Variants in ADGRL3 observed in about 807,000 individuals in gnomAD.
The protein encoded by ADGRL3 is calcium-independent alpha-latrotoxin receptor 3.
Under a neutral mutation model 153.5 loss-of-function variants are expected in ADGRL3, and 62 were observed. The ratio of observed to expected loss-of-function variants is 0.40; its 90% confidence interval spans 0.33 to 0.50. The LOEUF (loss-of-function observed/expected upper bound fraction) is 0.50, where lower values mean the gene tolerates loss of function less well. Among genes scored for constraint, ADGRL3 ranks in the 20% least tolerant of loss-of-function variants. The pLI is 0.47. For synonymous variants in ADGRL3, 710 were observed against 672.5 expected, an observed-to-expected ratio of 1.06 and a Z score of -0.86; for missense variants, 1,641 against 1,859.4, an observed-to-expected ratio of 0.88 and a Z score of 2.16.
At chr4:61,236,230 G>A (rs1052740484) in intron 1 of ADGRL3, among the ~76,000 whole-genome samples, 9 of 151,806 alleles carry the variant, frequency 5.9e-5, no homozygotes, top group South Asian at 2.1e-4. Context: ...GGCTGGTCTC[G>A]AACTCCTGAC....
chr4:61,509,009 A>G (rs2098447560), intron 3 of ADGRL3, among the ~76,000 whole-genome samples: 1 of 151,802 alleles, frequency 6.6e-6, no homozygotes, highest in Non-Finnish European at 1.5e-5. Flanking sequence ...TGTGGAGGAA[A>G]CCACCCCCAT....
chr4:61,300,039 A>T (rs2150329710), intron 1 of ADGRL3, among the ~76,000 whole-genome samples: 1 of 152,240 alleles, frequency 6.6e-6, no homozygotes, highest in East Asian at 1.9e-4. Flanking sequence ...AATATACCCA[A>T]TTTACACTTG....
intron 8 of ADGRL3, among the ~76,000 whole-genome samples, chr4:61,758,528 C>T (rs1056315175): frequency 1.3e-5 from 2 of 152,048 alleles, no homozygotes; most frequent in African/African-American, 4.8e-5. Context: ...TTTCCATTTG[C>T]TTGGTAGATC....
At chr4:61,266,241 G>A (rs1044258114) in intron 1 of ADGRL3, among the ~76,000 whole-genome samples, 2 of 151,558 alleles carry the variant, frequency 1.3e-5, no homozygotes, top group Non-Finnish European at 3.0e-5. Flanking sequence ...TCTGACACTG[G>A]CCTTGGTTCT....
In ADGRL3 at chr4:61,923,650, G is replaced by C. The variant is rs531091871; in HGVS notation, c.2112+10893G>C. 6.6e-5 allele frequency among the ~76,000 whole-genome samples: 10 copies of C among 152,164 alleles called. No homozygotes were observed. The South Asian group carries it at 2.1e-3, about 32-fold the overall frequency. ...CTCCTTTCTCCTTCTCTTCATTCCAGTAACTTTGACATATGAAGTCAACAC... is the reference window on the plus strand; with the variant it reads ...CTCCTTTCTCCTTCTCTTCATTCCACTAACTTTGACATATGAAGTCAACAC... On this transcript the variant is annotated intron_variant, in intron 13 of 26. Coordinates refer to ENST00000683033, the MANE Select transcript of ADGRL3 (RefSeq NM_001387552.1).
At chr4:61,527,025 A>C (rs924294051) in intron 4 of ADGRL3, among the ~76,000 whole-genome samples, 1 of 152,250 alleles carries the variant, frequency 6.6e-6, no homozygotes, top group African/African-American at 2.4e-5. Flanking sequence ...AATATGAAAA[A>C]GTAAGTTAAC....
chr4:61,421,896 A>G (rs1326475433), intron 2 of ADGRL3, among the ~76,000 whole-genome samples: 1 of 152,108 alleles, frequency 6.6e-6, no homozygotes, highest in Admixed American at 6.5e-5. Flanking sequence ...TTCATTCATT[A>G]TTAATTTATT....
intron 2 of ADGRL3, among the ~76,000 whole-genome samples, chr4:61,468,955 T>A (rs576227550): frequency 2.0e-5 from 3 of 152,212 alleles, no homozygotes; most frequent in African/African-American, 7.2e-5. Flanking sequence ...ATGAAACTCT[T>A]CTTATTTTGT....
intron 1 of ADGRL3, among the ~76,000 whole-genome samples, chr4:61,225,811 T>C (rs1747692226): frequency 6.6e-6 from 1 of 152,166 alleles, no homozygotes; most frequent in African/African-American, 2.4e-5. Context: ...TGTTCTCCTT[T>C]CAGTGACTCA....
At chr4:61,566,103 A>G (rs1337619284) in intron 4 of ADGRL3, among the ~76,000 whole-genome samples, 1 of 152,198 alleles carries the variant, frequency 6.6e-6, no homozygotes, top group Non-Finnish European at 1.5e-5. Flanking sequence ...ACCTTAACAA[A>G]GAACCGTAAA....
rs3075117 is a variant in ADGRL3, at chr4:61,502,484, GTTT to G, written c.55+5149_55+5151del. Among the ~76,000 whole-genome samples, 1,430 of 144,330 alleles carry G rather than the reference GTTT, an allele frequency of 9.9e-3. 10 individuals are homozygous for G. The highest frequency in any genetic ancestry group is 0.015 in the Middle Eastern group (4 of 268). The allele number at this position is 144,330 out of a possible 152,430, so 94.7% of individuals were successfully genotyped here. ...ATGCTTGTAGAACCAGCTTATACAT[GTTT>G]TTTTTTTTTTTTCTGCAATTCTATT... On this transcript the variant is annotated intron_variant, in intron 3 of 26. Coordinates refer to ENST00000683033, the MANE Select transcript of ADGRL3 (RefSeq NM_001387552.1).
intron 1 of ADGRL3, among the ~76,000 whole-genome samples, chr4:61,215,930 G>A (rs1233433804): frequency 1.3e-5 from 2 of 151,936 alleles, no homozygotes; most frequent in Non-Finnish European, 2.9e-5. Flanking sequence ...AACTTGTATC[G>A]AATTAGTCAT....
Position 61,829,105 on chromosome 4 carries a change from G to A in ADGRL3, c.1480+15216G>A, listed in dbSNP as rs565387049. On this transcript the variant is annotated intron_variant, in intron 9 of 26. Transcript: ENST00000683033. ...AGGAGCCTATTTTGACATTTCTTCT[G>A]GATGATTTGTATAGCCTATCACTAT... Among the ~76,000 whole-genome samples, 3 of 152,228 alleles carry A rather than the reference G, an allele frequency of 2.0e-5. No homozygotes were observed. In the East Asian group the frequency reaches 5.8e-4, roughly 29 times the overall value.
At chr4:61,217,131 T>C (rs973547359) in intron 1 of ADGRL3, among the ~76,000 whole-genome samples, 12 of 152,260 alleles carry the variant, frequency 7.9e-5, no homozygotes, top group African/African-American at 2.9e-4. Context: ...AAAGAGCCTC[T>C]GGCTTTATGG....
chr4:61,447,764 G>A (rs1411134965), intron 2 of ADGRL3, among the ~76,000 whole-genome samples: 3 of 152,138 alleles, frequency 2.0e-5, no homozygotes, highest in East Asian at 3.9e-4. Flanking sequence ...TTGGGATCCT[G>A]TGTAGAAGCT....
In ADGRL3 at chr4:61,733,125, C is replaced by T. The variant is rs371272321; in HGVS notation, c.970C>T (p.Arg324Ter). 6.2e-7 allele frequency: 1 copy of T among 1,613,042 alleles called. No homozygotes were observed. The highest frequency in any genetic ancestry group is 8.5e-7 in the Non-Finnish European group (1 of 1,179,530). Residue 324 changes from arginine (R) to a stop codon, truncating the protein, a stop_gained, in exon 8 of 27, where the codon CGA (arginine) becomes TGA (stop). Coordinates refer to ENST00000683033, the MANE Select transcript of ADGRL3 (RefSeq NM_001387552.1). LOFTEE classifies it high-confidence loss of function. ...NANYHDTSPYRWGGKSDIDLA... is the reference protein window; with the variant it reads ...NANYHDTSPY ...CAATTACCATGATACCTCCCCTTAC[C>T]GATGGGGAGGCAAATCTGACATAGA... is the stretch of plus-strand genomic sequence containing the variant.
chr4:61,469,961 C>T (rs78047896), intron 2 of ADGRL3, among the ~76,000 whole-genome samples: 1 of 151,744 alleles, frequency 6.6e-6, no homozygotes, highest in Non-Finnish European at 1.5e-5. Context: ...CCCCAGCACT[C>T]TGAAGTATTA....
chr4:61,251,673 A>G (rs1759315955), intron 1 of ADGRL3, among the ~76,000 whole-genome samples: 1 of 152,094 alleles, frequency 6.6e-6, no homozygotes, highest in Non-Finnish European at 1.5e-5. Context: ...GTCAACTACT[A>G]TGGGCAAGCA....
intron 8 of ADGRL3, among the ~76,000 whole-genome samples, chr4:61,741,986 C>T (rs67257965): frequency 0.16 from 24,872 of 152,212 alleles, 2,651 homozygotes; most frequent in Non-Finnish European, 0.24. Flanking sequence ...CACCAGCTGT[C>T]CTTTCTGTAG....
Sources: allele counts gnomAD v4.1 joint callset (sites outside exome capture counted in the v4.1 genomes callset), GRCh38; gene constraint gnomAD v4.1.1; transcripts MANE v1.5; gene names NCBI Gene and HGNC (gene_info 2026-07-23, HGNC 2026-07-21).